The following ADD1 variants were observed in gnomAD, a reference collection of about 807,000 sequenced individuals.
The protein encoded by ADD1 is adducin 1.
In ADD1, 24 loss-of-function variants were observed where a neutral mutation model predicts 80.5. That is an observed-to-expected ratio of 0.30 (90% CI 0.22 to 0.42). The LOEUF (loss-of-function observed/expected upper bound fraction) is 0.42, where lower values mean the gene tolerates loss of function less well. ADD1 is among the 10% of genes least tolerant of loss of function. ADD1 has a pLI of 1.00. For synonymous variants in ADD1, 373 were observed against 393.8 expected (o/e 0.95, Z 0.63); for missense variants, 948 against 1,019.0 (o/e 0.93, Z 0.95).
chr4:2,858,627 T>A (rs2108815421), intron 1 of ADD1, among the ~76,000 whole-genome samples: 2 of 152,284 alleles, frequency 1.3e-5, no homozygotes, highest in Admixed American at 1.3e-4. Context: ...GCATTAAAGT[T>A]CACTCACATT....
intron 1 of ADD1, among the ~76,000 whole-genome samples, chr4:2,859,432 A>G (rs1728527797): frequency 6.6e-6 from 1 of 152,244 alleles, no homozygotes; most frequent in Non-Finnish European, 1.5e-5. Flanking sequence ...AGATGTGTAG[A>G]AATAAATACA....
chr4:2,844,907 T>C (rs1005215645), intron 1 of ADD1: 2 of 152,180 alleles, frequency 1.3e-5, no homozygotes, highest in African/African-American at 4.8e-5. Context: ...AGAATGCTGA[T>C]AGGTCGACTG....
At chr4:2,921,770 A>G (rs1740088486) in intron 14 of ADD1, among the ~76,000 whole-genome samples, 1 of 152,048 alleles carries the variant, frequency 6.6e-6, no homozygotes, top group Admixed American at 6.5e-5. Context: ...TTTCAGGCAC[A>G]CCAATCAAAT....
At chr4:2,874,241 C>G (rs994862925) in intron 1 of ADD1, among the ~76,000 whole-genome samples, 16 of 142,514 alleles carry the variant, frequency 1.1e-4, no homozygotes, top group Non-Finnish European at 1.7e-4. Flanking sequence ...AAAGATTCCA[C>G]TGAGGTCATT....
chr4:2,926,188 A>T lies in ADD1; in HGVS notation c.2047+76A>T. 7.5e-7 allele frequency: 1 copy of T among 1,324,986 alleles called. No individual in the cohort carries two copies. Among genetic ancestry groups the T allele is most frequent in the South Asian group, 1.2e-5 (1 of 83,722 alleles). 82.1% of individuals were successfully genotyped at this position (1,324,986 alleles called of 1,614,324 possible). The stretch of plus-strand genomic sequence containing the variant: ...GCGCGCTGTGGCGGAATGTGGCGGG[A>T]GTCGTGTTAACAGCAACACGGAAGT... On this transcript the variant is annotated intron_variant, in intron 15 of 15. Transcript: ENST00000683351. This position sits in a 1 kb window ranked among gnomAD's most constrained non-coding sequence, Gnocchi z 5.0.
At chr4:2,876,863 A>G (rs1431198126) in intron 2 of ADD1, among the ~76,000 whole-genome samples, 2 of 150,398 alleles carry the variant, frequency 1.3e-5, no homozygotes, top group African/African-American at 2.5e-5. Flanking sequence ...TTAGCCGGGC[A>G]TAGTGGCGCA....
intron 2 of ADD1, among the ~76,000 whole-genome samples, chr4:2,879,370 C>A (rs1365381654): frequency 6.6e-6 from 1 of 152,156 alleles, no homozygotes; most frequent in African/African-American, 2.4e-5. Context: ...CTTTAAGTTT[C>A]TGGATGGCAA....
chr4:2,881,818 C>T (rs1080566), intron 2 of ADD1, 80 bp from the exon 3 acceptor site: 6 of 1,302,384 alleles, frequency 4.6e-6, no homozygotes, highest in Non-Finnish European at 5.1e-6. Context: ...AAAAATTGGT[C>T]TATGTGATAG....
At position 2,921,189 on chromosome 4, in the gene ADD1, G is replaced by A. The variant is rs561890022; in HGVS notation, c.1949-4825G>A. On this transcript the variant is annotated intron_variant, in intron 14 of 15. Coordinates refer to ENST00000683351, the MANE Select transcript of ADD1 (RefSeq NM_001354761.2). Reference sequence around the variant, plus strand: ...GTCACCCAGGCTGGAGTGCAGTGGCGTGATCTCGGCTCACTGCAAGCTCCG... The same window carrying A: ...GTCACCCAGGCTGGAGTGCAGTGGCATGATCTCGGCTCACTGCAAGCTCCG... 2.6e-5 allele frequency among the ~76,000 whole-genome samples: 4 copies of A among 152,162 alleles called. No homozygotes were observed. The South Asian group carries it at 6.2e-4, about 24-fold the overall frequency.
At chr4:2,905,430 A>T (rs1242256165) in intron 10 of ADD1, 2 of 322,928 alleles carry the variant, frequency 6.2e-6, no homozygotes, top group African/African-American at 2.1e-5. Flanking sequence ...ATATTCAGGG[A>T]CTCTTAATAC....
intron 1 of ADD1, among the ~76,000 whole-genome samples, chr4:2,852,207 C>CCTTTCTTTCCTTTCCTTCCTTTCCTTT (rs370224375): frequency 1.5e-5 from 1 of 66,102 alleles, no homozygotes; most frequent in Non-Finnish European, 3.0e-5. Context: ...TCCTTTCTTT[C>CCTTTCTTTCCTTTCCTTCCTTTCCTTT]CTTTCCTTTC....
At chr4:2,893,162 C>A (rs1734594924) in intron 4 of ADD1, among the ~76,000 whole-genome samples, 1 of 151,996 alleles carries the variant, frequency 6.6e-6, no homozygotes, top group Admixed American at 6.6e-5. Context: ...CTCCTGACCT[C>A]AAGTGATCCA....
chr4:2,901,794 AAGAG>A (rs998496789), intron 9 of ADD1: 6 of 152,300 alleles, frequency 3.9e-5, no homozygotes, highest in African/African-American at 1.4e-4. Context: ...AAATTTCAAA[AAGAG>A]AGATAATATT....
At chr4:2,847,440 A>T (rs1333496080) in intron 1 of ADD1, among the ~76,000 whole-genome samples, 1 of 151,340 alleles carries the variant, frequency 6.6e-6, no homozygotes, top group Non-Finnish European at 1.5e-5. Context: ...CTAGGATTCT[A>T]CTCAACCTTC....
intron 3 of ADD1, among the ~76,000 whole-genome samples, chr4:2,884,239 A>C (rs1428782661): frequency 2.6e-5 from 4 of 152,236 alleles, no homozygotes; most frequent in Non-Finnish European, 4.4e-5. Flanking sequence ...GTCATTATGA[A>C]ATTGTCTTTG....
intron 9 of ADD1, 68 bp from the exon 10 acceptor site, chr4:2,904,696 T>C (rs1287633576): frequency 1.4e-6 from 2 of 1,441,018 alleles, no homozygotes; most frequent in African/African-American, 2.8e-5. Flanking sequence ...TTCCACATGA[T>C]TTTCCAAAGT....
chr4:2,907,746 A>G lies in ADD1; in HGVS notation c.1510A>G (p.Thr504Ala), dbSNP rs539035550. The G allele has an allele frequency of 1.2e-6, 2 of 1,613,592 alleles. No homozygotes were observed. Among genetic ancestry groups the G allele is most frequent in the Admixed American group, 1.7e-5 (1 of 60,028 alleles). ...VPSCITNCLW[T>A]KEDGHRTSTS... ...TCAACTGTTCTTGATATTACAGTGG[A>G]CTAAAGAGGATGGACATAGAACTTC... Residue 504 changes from threonine to alanine, a missense_variant, in exon 11 of 16, where the codon ACT (threonine) becomes GCT (alanine). Transcript: ENST00000683351.
At position 2,915,018 on chromosome 4, in the gene ADD1, G is replaced by A. The variant is rs746825504; in HGVS notation, c.1926G>A (p.Glu642=). Reference sequence around the variant, plus strand: ...TGGAGGAGTACCGCAGGGAGGTGGAGAGGAAGCAGAAGGGCTCTGAAGGTG... The same window carrying A: ...TGGAGGAGTACCGCAGGGAGGTGGAAAGGAAGCAGAAGGGCTCTGAAGGTG... ...RELEEYRREV[E]RKQKGSEENL... The change falls in exon 14 of 16, where the codon GAG becomes GAA. Residue 642 remains glutamate (E), a synonymous_variant. Transcript: ENST00000683351. 7.4e-6 allele frequency: 12 copies of A among 1,613,546 alleles called. No homozygotes were observed. The East Asian group carries it at 1.3e-4, about 18-fold the overall frequency.
Position 2,908,652 on chromosome 4 carries a change from C to CGT in ADD1, c.1698+48_1698+49insGT, listed in dbSNP as rs771472191. 5.5e-6 allele frequency: 8 copies of CGT among 1,463,884 alleles called. No homozygotes were observed. The South Asian group carries it at 9.1e-5, about 17-fold the overall frequency. 90.7% of individuals were successfully genotyped at this position (1,463,884 alleles called of 1,614,324 possible). A position where few individuals can be genotyped will look rare whatever the true frequency, so the allele number is the denominator to read the frequency against. ...ACTTTAGTGGGTGGTGGCTGTGTGA[C>CGT]CGCCTGCTCCAAAGTTATTCTGAAA... On this transcript the variant is annotated intron_variant, in intron 12 of 15. Coordinates refer to ENST00000683351, the MANE Select transcript of ADD1 (RefSeq NM_001354761.2).
Sources: gnomAD v4.1 joint callset for allele counts (sites outside exome capture counted in the v4.1 genomes callset) on GRCh38, gnomAD v4.1.1 for gene constraint, Gnocchi (gnomAD v3.1) non-coding constraint, MANE v1.5 for transcripts, NCBI Gene and HGNC (gene_info 2026-07-23, HGNC 2026-07-21) for gene names.